The following TXNRD3 variants were observed in gnomAD, a reference collection of about 807,000 sequenced individuals.
The protein encoded by TXNRD3 is thioredoxin reductase 3, also known as TXNRD3 neighbor gene protein.
Under a neutral mutation model 78.2 loss-of-function variants are expected in TXNRD3, and 68 were observed. The observed-to-expected ratio is 0.87, with a 90% confidence interval of 0.72 to 1.06. The LOEUF is 1.06. Ranked by LOEUF, TXNRD3 falls within the 50% of genes least tolerant of loss-of-function variation. The pLI, the probability that TXNRD3 is intolerant of heterozygous loss-of-function variation, is 0.00. For missense variants in TXNRD3, 751 were observed against 809.5 expected, an observed-to-expected ratio of 0.93 and a Z score of 0.88; for synonymous variants, 296 against 300.1, an observed-to-expected ratio of 0.99 and a Z score of 0.14.
At chr3:126,631,619 T>G in intron 8 of TXNRD3, 145 bp downstream of exon 8, 1 of 603,260 alleles carries the variant, frequency 1.7e-6, no homozygotes. Context: ...GTTTCATTAC[T>G]TTTAACTATT....
At chr3:126,629,250 T>C (rs1938652950) in intron 10 of TXNRD3, 129 bp downstream of exon 10, 1 of 684,224 alleles carries the variant, frequency 1.5e-6, no homozygotes, top group Non-Finnish European at 2.4e-6. Flanking sequence ...TTATCTTCTA[T>C]GATAATGCTC....
chr3:126,615,364 C>A lies in TXNRD3; in HGVS notation c.1623G>T (p.Glu541Asp). 2.1e-6 allele frequency: 3 copies of A among 1,452,644 alleles called. No individual in the cohort carries two copies. Among genetic ancestry groups the A allele is most frequent in the South Asian group, 1.4e-5 (1 of 73,574 alleles). 90.0% of individuals were successfully genotyped at this position (1,452,644 alleles called of 1,614,324 possible). The change falls in exon 13 of 16, where the codon GAG becomes GAT. Residue 541 changes from glutamate to aspartate, a missense_variant. Glu to Asp is a conservative substitution (Grantham distance 45, BLOSUM62 2). Transcript: ENST00000524230. Reference sequence around the variant, plus strand: ...TAAAACACAATCTTACTTCTAGATTCTCTTTTTTATATACTTCAATAGCTT... The same window carrying A: ...TAAAACACAATCTTACTTCTAGATTATCTTTTTTATATACTTCAATAGCTT...
chr3:126,623,851 C>CAAAAAAGAAAAAAAA (rs758992893), intron 10 of TXNRD3, among the ~76,000 whole-genome samples: 1 of 89,758 alleles, frequency 1.1e-5, no homozygotes, highest in Non-Finnish European at 2.3e-5. Flanking sequence ...TGAAACAAGG[C>CAAAAAAGAAAAAAAA]CAAAAAAAAA....
At position 126,651,134 on chromosome 3, in the gene TXNRD3, G is replaced by A. The variant is rs1293369574; in HGVS notation, c.243+3614C>T. Among the ~76,000 whole-genome samples, 3 of 152,260 alleles carry A rather than the reference G, an allele frequency of 2.0e-5. No homozygotes were observed. In the East Asian group the frequency reaches 5.8e-4, roughly 29 times the overall value. On this transcript the variant is annotated intron_variant, in intron 1 of 15. Coordinates refer to ENST00000524230, the MANE Select transcript of TXNRD3 (RefSeq NM_052883.3). ...TATGTGGAATATGGTGTCTAATTTT[G>A]GGGGATACATTTAAGAGGTTCATGG...
At position 126,642,891 on chromosome 3, in the gene TXNRD3, G is replaced by C. The variant is rs1252620845; in HGVS notation, c.593-740C>G. On this transcript the variant is annotated intron_variant, in intron 5 of 15. Transcript: ENST00000524230. ...ATCTGCCAGAAAATTTTTTCTAGCA[G>C]AAAAGAGAAGACACACTTGAGTTGG... Among the ~76,000 whole-genome samples the C allele has an allele frequency of 2.0e-5, 3 of 152,172 alleles. No individual in the cohort carries two copies. In the East Asian group the frequency reaches 5.8e-4, roughly 29 times the overall value.
intron 6 of TXNRD3, among the ~76,000 whole-genome samples, chr3:126,640,892 A>C (rs1336065409): frequency 1.3e-5 from 2 of 152,068 alleles, no homozygotes; most frequent in Admixed American, 1.3e-4. Flanking sequence ...ACTCTCCGAC[A>C]AACAGAGGTG....
chr3:126,646,037 C>T, intron 3 of TXNRD3, 74 bp downstream of exon 3: 4 of 1,207,666 alleles, frequency 3.3e-6, no homozygotes, highest in Non-Finnish European at 4.4e-6. Flanking sequence ...TCCTAAAAAC[C>T]ATTTTCTCCT....
chr3:126,643,540 A>G (rs1933144881), intron 5 of TXNRD3, among the ~76,000 whole-genome samples: 1 of 152,248 alleles, frequency 6.6e-6, no homozygotes, highest in African/African-American at 2.4e-5. Context: ...ACCACGACAC[A>G]GTACATACAC....
intron 10 of TXNRD3, among the ~76,000 whole-genome samples, chr3:126,627,457 T>A (rs1468401021): frequency 6.6e-6 from 1 of 152,162 alleles, no homozygotes; most frequent in Non-Finnish European, 1.5e-5. Flanking sequence ...TTCTGTTACC[T>A]AAAGGAGTGT....
chr3:126,636,473 C>T (rs1053495764), intron 6 of TXNRD3, among the ~76,000 whole-genome samples: 3 of 152,160 alleles, frequency 2.0e-5, no homozygotes, highest in African/African-American at 4.8e-5. Flanking sequence ...GACTCTTCTC[C>T]ACCATGTGAA....
intron 6 of TXNRD3, among the ~76,000 whole-genome samples, chr3:126,640,097 T>TCCA (rs1457782212): frequency 0.012 from 185 of 14,956 alleles, 38 homozygotes; most frequent in Middle Eastern, 0.14. Flanking sequence ...GTGTTTTCTT[T>TCCA]TTTTTTTTTT....
rs543717840 is a variant in TXNRD3, at chr3:126,645,001, T to C, written c.415-600A>G. 6.6e-5 allele frequency among the ~76,000 whole-genome samples: 10 copies of C among 152,370 alleles called. 1 individual carries two copies. In the South Asian group the frequency reaches 8.3e-4, roughly 13 times the overall value. ...AGCTTAGATGATGTTAGAGGTTCGA[T>C]GTGTGATTTAGTAACAGTTTTCTTT... On this transcript the variant is annotated intron_variant, in intron 3 of 15. Coordinates refer to ENST00000524230, the MANE Select transcript of TXNRD3 (RefSeq NM_052883.3).
At chr3:126,622,772 G>C (rs548283248) in intron 10 of TXNRD3, among the ~76,000 whole-genome samples, 1 of 152,312 alleles carries the variant, frequency 6.6e-6, no homozygotes, top group African/African-American at 2.4e-5. Flanking sequence ...AAATTCATAT[G>C]CTGAAATCCT....
intron 6 of TXNRD3, among the ~76,000 whole-genome samples, chr3:126,639,580 C>G (rs3856651): frequency 6.6e-5 from 10 of 151,870 alleles, no homozygotes; most frequent in Non-Finnish European, 1.5e-4. Flanking sequence ...AGATTTTTTT[C>G]TTTTTCCGAG....
intron 2 of TXNRD3, 115 bp from the exon 3 acceptor site, chr3:126,646,335 G>T: frequency 1.4e-6 from 1 of 691,124 alleles, no homozygotes; most frequent in Non-Finnish European, 2.2e-6. Flanking sequence ...TAACAGGTCA[G>T]TGTGTTATAT....
intron 6 of TXNRD3, among the ~76,000 whole-genome samples, chr3:126,639,869 T>C (rs1366057159): frequency 1.3e-5 from 2 of 151,932 alleles, no homozygotes; most frequent in African/African-American, 4.8e-5. Flanking sequence ...GCTGGGATTA[T>C]AGGTGTGAGT....
intron 6 of TXNRD3, among the ~76,000 whole-genome samples, chr3:126,640,252 C>T (rs1301304385): frequency 1.1e-4 from 4 of 34,804 alleles, no homozygotes; most frequent in Non-Finnish European, 4.5e-4. Context: ...CTACAGGCGC[C>T]CGCCACTACG....
In TXNRD3 at chr3:126,639,430, T is replaced by A. The variant is rs189191839; in HGVS notation, c.712+2602A>T. Among the ~76,000 whole-genome samples the A allele has an allele frequency of 1.6e-3, 246 of 152,282 alleles. 1 individual carries two copies. Among genetic ancestry groups the A allele is most frequent in the Non-Finnish European group, 2.7e-3 (186 of 68,014 alleles). ...GCTTTTCATTCTCCCCAGTCCCCCA[T>A]GTGCTGTGCCTCTCACACCCAGCTC... is the stretch of plus-strand genomic sequence containing the variant. On this transcript the variant is annotated intron_variant, in intron 6 of 15. Coordinates refer to ENST00000524230, the MANE Select transcript of TXNRD3 (RefSeq NM_052883.3).
rs1417099454 is a variant in TXNRD3 at position 126,630,693 on chromosome 3, A to G, written c.1197+19T>C. ...TGAAAAGTTAGAGAAAAAAAATTGC[A>G]AATGCCATGCAGCCTTACCATCACA... is the stretch of plus-strand genomic sequence containing the variant. On this transcript the variant is annotated intron_variant, in intron 9 of 15. Transcript: ENST00000524230. The G allele has an allele frequency of 3.9e-6, 6 of 1,532,352 alleles. No individual in the cohort carries two copies. Among genetic ancestry groups the G allele is most frequent in the Non-Finnish European group, 5.2e-6 (6 of 1,145,684 alleles). 94.9% of individuals were successfully genotyped at this position (1,532,352 alleles called of 1,614,324 possible). A position where few individuals can be genotyped will look rare whatever the true frequency, so the allele number is the denominator to read the frequency against.
Sources: gnomAD v4.1 joint callset for allele counts (sites outside exome capture counted in the v4.1 genomes callset) on GRCh38, gnomAD v4.1.1 for gene constraint, MANE v1.5 for transcripts, NCBI Gene and HGNC (gene_info 2026-07-23, HGNC 2026-07-21) for gene names.